CSTA: variants seen among roughly 807,000 people sequenced by gnomAD.
CSTA encodes cystatin A.
In CSTA, 9 loss-of-function variants were observed where a neutral mutation model predicts 9.2. The ratio of observed to expected loss-of-function variants is 0.97; its 90% CI spans 0.59 to 1.70. The LOEUF is 1.70. Ranked by LOEUF, CSTA falls within the 40% of genes most tolerant of loss-of-function variation. CSTA has a pLI of 0.00. For missense variants in CSTA, 118 were observed against 113.1 expected, an observed-to-expected ratio of 1.04 and a Z score of -0.20; for synonymous variants, 36 against 40.6, an observed-to-expected ratio of 0.89 and a Z score of 0.43.
Position 122,341,497 on chromosome 3 carries a change from A to G in CSTA, c.227A>G (p.Gln76Arg), listed in dbSNP as rs750893671. The change falls in exon 3 of 3, where the codon CAA becomes CGA. Residue 76 changes from glutamine to arginine, a missense_variant. Transcript: ENST00000264474. Reference protein sequence around the residue: ...HLKVFKSLPGQNEDLVLTGYQ... With the variant: ...HLKVFKSLPGRNEDLVLTGYQ... Reference sequence around the variant, plus strand: ...AAAGTATTCAAAAGTCTTCCCGGACAAAATGAGGACTTGGTACTTACTGGA... The same window carrying G: ...AAAGTATTCAAAAGTCTTCCCGGACGAAATGAGGACTTGGTACTTACTGGA... 5.0e-6 allele frequency: 8 copies of G among 1,614,130 alleles called. No individual in the cohort carries two copies. Among genetic ancestry groups the G allele is most frequent in the East Asian group, 2.2e-5 (1 of 44,882 alleles).
intron 1 of CSTA, among the ~76,000 whole-genome samples, chr3:122,334,282 A>T (rs2075224413): frequency 6.6e-6 from 1 of 152,148 alleles, no homozygotes; most frequent in Admixed American, 6.5e-5. Context: ...GCCTTTCAGA[A>T]ATGGTCTGAG....
intron 1 of CSTA, among the ~76,000 whole-genome samples, 172 bp from the exon 2 acceptor site, chr3:122,337,375 C>T (rs2075241930): frequency 6.6e-6 from 1 of 152,062 alleles, no homozygotes; most frequent in African/African-American, 2.4e-5. Flanking sequence ...GACTTTTTAA[C>T]CTATGTAATT....
intron 1 of CSTA, among the ~76,000 whole-genome samples, chr3:122,325,739 T>G (rs1056110582): frequency 6.6e-5 from 10 of 152,220 alleles, no homozygotes; most frequent in Admixed American, 1.3e-4. Context: ...ATTAACAATT[T>G]GATGAAGTAG....
At chr3:122,328,550 C>G (rs1404571334) in intron 1 of CSTA, among the ~76,000 whole-genome samples, 3 of 151,494 alleles carry the variant, frequency 2.0e-5, no homozygotes, top group Non-Finnish European at 4.4e-5. Flanking sequence ...TAGCTCACCC[C>G]CAGTGTTTGA....
At chr3:122,340,959 T>A (rs1000835357) in intron 2 of CSTA, among the ~76,000 whole-genome samples, 1 of 136,088 alleles carries the variant, frequency 7.3e-6, no homozygotes, top group Non-Finnish European at 1.6e-5. Context: ...TTTTTTTTTT[T>A]AAGACAAACT....
chr3:122,327,116 T>C (rs2107664689), intron 1 of CSTA, among the ~76,000 whole-genome samples: 1 of 152,054 alleles, frequency 6.6e-6, no homozygotes, highest in East Asian at 1.9e-4. Flanking sequence ...TGGGTGCCTG[T>C]AATCCCAACT....
intron 2 of CSTA, 157 bp downstream of exon 2, chr3:122,337,805 T>G (rs2075244031): frequency 1.5e-6 from 1 of 686,290 alleles, no homozygotes; most frequent in South Asian, 1.7e-5. Context: ...TCAAATTTGG[T>G]AGATGATGTG....
rs757263704 is a variant in CSTA, at chr3:122,337,586, G to A, written c.106G>A (p.Gly36Arg). 8 of 1,613,098 alleles carry A rather than the reference G, an allele frequency of 5.0e-6. No homozygotes were observed. The highest frequency in any genetic ancestry group is 3.3e-4 in the Middle Eastern group (2 of 6,080). The change falls in exon 2 of 3, where the codon GGA (glycine) becomes AGA (arginine). Residue 36 changes from glycine (G) to arginine (R), a missense_variant. Physicochemically the swap from Gly to Arg is moderately radical, Grantham distance 125 (BLOSUM62 -2). Transcript: ENST00000264474. ...TGAAGAAAAAACAAATGAGACTTACGGAAAATTGGAAGCTGTGCAGTATAA... is the reference window on the plus strand; with the variant it reads ...TGAAGAAAAAACAAATGAGACTTACAGAAAATTGGAAGCTGTGCAGTATAA... ...QLEEKTNETY[G>R]KLEAVQYKTQ... is the part of the protein sequence containing the mutation.
Position 122,339,023 on chromosome 3 carries a change from TC to T in CSTA, c.168+1377del, listed in dbSNP as rs527785360. 4.6e-3 allele frequency among the ~76,000 whole-genome samples: 706 copies of T among 152,278 alleles called. 6 individuals are homozygous for T. The highest frequency in any genetic ancestry group is 0.016 in the African/African-American group (671 of 41,564). On this transcript the variant is annotated intron_variant, in intron 2 of 2. Coordinates refer to ENST00000264474, the MANE Select transcript of CSTA (RefSeq NM_005213.4). Reference sequence around the variant, plus strand: ...CCACCGATCCCAGTTCCCTTTTACTTCCTGGTAGTCTGGCTGTTGATCCCTT... The same window carrying T: ...CCACCGATCCCAGTTCCCTTTTACTTCTGGTAGTCTGGCTGTTGATCCCTT...
chr3:122,330,981 A>G (rs1044365353), intron 1 of CSTA, among the ~76,000 whole-genome samples: 1 of 152,132 alleles, frequency 6.6e-6, no homozygotes, highest in Non-Finnish European at 1.5e-5. Flanking sequence ...CCATTATCTT[A>G]TATAATATGT....
In CSTA at chr3:122,341,788, C is replaced by G; in HGVS notation, c.*221C>G. 1 of 546,196 alleles carries G rather than the reference C, an allele frequency of 1.8e-6. No individual in the cohort carries two copies. Among genetic ancestry groups the G allele is most frequent in the Non-Finnish European group, 3.2e-6 (1 of 316,574 alleles). 33.8% of individuals were successfully genotyped at this position (546,196 alleles called of 1,614,324 possible). ...ATATAAATTGATGGCAATTGGAAATCTTATAAAAACTAGTCAAGCCTAATG... is the reference window on the plus strand; with the variant it reads ...ATATAAATTGATGGCAATTGGAAATGTTATAAAAACTAGTCAAGCCTAATG... On this transcript the variant is annotated 3_prime_UTR_variant, in exon 3 of 3. Coordinates refer to ENST00000264474, the MANE Select transcript of CSTA (RefSeq NM_005213.4).
rs1413196014 is a variant in CSTA, at chr3:122,333,590, A to AGAAAGAAAGAAG, written c.67-3954_67-3953insAGAAAGAAGGAA. Among the ~76,000 whole-genome samples, 3 of 141,146 alleles carry AGAAAGAAAGAAG rather than the reference A, an allele frequency of 2.1e-5. No individual in the cohort carries two copies. The East Asian group carries it at 5.9e-4, about 28-fold the overall frequency. The allele number at this position is 141,146 out of a possible 152,430, so 92.6% of individuals were successfully genotyped here. Reference sequence around the variant, plus strand: ...AAGAAAGAAAGAAAGAAAGAAAGAAAGAAGAAAGAGAGAGAGAGGAAGGAA... The same window carrying AGAAAGAAAGAAG: ...AAGAAAGAAAGAAAGAAAGAAAGAAAGAAAGAAAGAAGGAAGAAAGAGAGAGAGAGGAAGGAA... On this transcript the variant is annotated intron_variant, in intron 1 of 2. Transcript: ENST00000264474.
chr3:122,336,049 T>C (rs1022587100), intron 1 of CSTA, among the ~76,000 whole-genome samples: 7 of 152,234 alleles, frequency 4.6e-5, no homozygotes, highest in Admixed American at 3.9e-4. Context: ...TAAATGTGTG[T>C]ATATATGCAC....
chr3:122,337,444 A>C (rs2075242231), intron 1 of CSTA, 103 bp from the exon 2 acceptor site: 15 of 741,358 alleles, frequency 2.0e-5, no homozygotes, highest in Admixed American at 9.4e-5. Context: ...TTTCATTACC[A>C]TCTTTGAAGA....
chr3:122,333,540 G>GAAGA (rs71136564), intron 1 of CSTA, among the ~76,000 whole-genome samples: 9,594 of 111,998 alleles, frequency 0.086, 516 homozygotes, highest in East Asian at 0.12. Context: ...AGAAAAGAAA[G>GAAGA]AAGAAAGAAA....
intron 1 of CSTA, among the ~76,000 whole-genome samples, chr3:122,328,063 C>T (rs2075180540): frequency 6.6e-6 from 1 of 152,110 alleles, no homozygotes; most frequent in Admixed American, 6.5e-5. Context: ...GAACAGCTAC[C>T]TCACCCCAGA....
chr3:122,330,120 A>G (rs1054740234), intron 1 of CSTA, among the ~76,000 whole-genome samples: 3 of 152,244 alleles, frequency 2.0e-5, no homozygotes, highest in African/African-American at 7.2e-5. Flanking sequence ...TTCCTTCTCC[A>G]AAATTACAGT....
chr3:122,325,307 C>A lies in CSTA; in HGVS notation c.15C>A (p.Gly5=). The part of the protein sequence containing the change: MIPG[G]LSEAKPATPE... ...AATCAGCCAAAATGATACCTGGAGGCTTATCTGAGGCCAAACCCGCCACTC... is the reference window on the plus strand; with the variant it reads ...AATCAGCCAAAATGATACCTGGAGGATTATCTGAGGCCAAACCCGCCACTC... Residue 5 remains glycine (G), a synonymous_variant, in exon 1 of 3, where the codon GGC becomes GGA. Transcript: ENST00000264474. 6.2e-7 allele frequency: 1 copy of A among 1,612,820 alleles called. No individual in the cohort carries two copies. Among genetic ancestry groups the A allele is most frequent in the South Asian group, 1.1e-5 (1 of 91,038 alleles).
intron 1 of CSTA, among the ~76,000 whole-genome samples, chr3:122,330,064 G>C (rs936593195): frequency 4.6e-5 from 7 of 152,140 alleles, no homozygotes; most frequent in African/African-American, 1.7e-4. Context: ...AGCCCCAAGA[G>C]GCAGGTATTA....
Sources: gnomAD v4.1 joint callset for allele counts (sites outside exome capture counted in the v4.1 genomes callset) on GRCh38, gnomAD v4.1.1 for gene constraint, MANE v1.5 for transcripts, NCBI Gene and HGNC (gene_info 2026-07-23, HGNC 2026-07-21) for gene names.